Variants in RPS6KA2 observed in about 807,000 individuals in gnomAD.
RPS6KA2 encodes ribosomal protein S6 kinase A2, also known as ribosomal protein S6 kinase alpha-2.
RPS6KA2 carries 42 observed loss-of-function variants against 91.8 expected under a neutral mutation model. The observed-to-expected ratio is 0.46, with a 90% CI of 0.36 to 0.59. RPS6KA2 has a LOEUF of 0.59. Among genes scored for constraint, RPS6KA2 ranks in the 20% least tolerant of loss-of-function variants. The pLI is 0.00. For synonymous variants in RPS6KA2, 414 were observed against 393.6 expected (o/e 1.05, Z -0.61); for missense variants, 798 against 978.5 (o/e 0.82, Z 2.46).
intron 3 of RPS6KA2, among the ~76,000 whole-genome samples, chr6:166,523,871 G>C (rs1273336557): frequency 2.0e-5 from 3 of 152,184 alleles, no homozygotes; most frequent in Non-Finnish European, 4.4e-5. Context: ...TAACTCCGAG[G>C]AGGTTCTATT....
At chr6:166,587,594 T>C (rs1246349700) in intron 1 of RPS6KA2, among the ~76,000 whole-genome samples, 1 of 151,614 alleles carries the variant, frequency 6.6e-6, no homozygotes, top group Non-Finnish European at 1.5e-5. Flanking sequence ...ATATAACATC[T>C]TTCTTGAACG....
chr6:166,597,073 T>C (rs1387624225), intron 1 of RPS6KA2, among the ~76,000 whole-genome samples: 1 of 152,116 alleles, frequency 6.6e-6, no homozygotes, highest in East Asian at 1.9e-4. Flanking sequence ...GGGCCACAGA[T>C]GCTGAGAACC....
Position 166,821,551 on chromosome 6 carries a change from G to A in RPS6KA2, c.123+36649C>T, listed in dbSNP as rs998551397. ...TCTGCCCTGTCCATGTGCATCCTCCGTGTGGGTGCGGTGGGCCATCCCTCC... is the reference window on the plus strand; with the variant it reads ...TCTGCCCTGTCCATGTGCATCCTCCATGTGGGTGCGGTGGGCCATCCCTCC... On this transcript the variant is annotated intron_variant, in intron 2 of 21. Coordinates refer to the RPS6KA2 transcript ENST00000503859. This position sits in a 1 kb window ranked among gnomAD's most constrained non-coding sequence, Gnocchi z 4.1. Among the ~76,000 whole-genome samples the A allele has an allele frequency of 1.3e-5, 2 of 152,120 alleles. No individual in the cohort carries two copies. The highest frequency in any genetic ancestry group is 4.2e-4 in the South Asian group (2 of 4,810).
chr6:166,626,565 A>G lies in RPS6KA2; in HGVS notation c.99+356T>C, dbSNP rs1786884801. ...TCGGGACTTTGAGGGACCCCCGCGG[A>G]GCGCTCCGCGCCACTCGGCGGTCTA... On this transcript the variant is annotated intron_variant, in intron 1 of 20. Coordinates refer to ENST00000265678, the MANE Select transcript of RPS6KA2 (RefSeq NM_021135.6). This position sits in a 1 kb window ranked among gnomAD's most constrained non-coding sequence, Gnocchi z 4.1. 6.6e-6 allele frequency among the ~76,000 whole-genome samples: 1 copy of G among 152,120 alleles called. No homozygotes were observed. Among genetic ancestry groups the G allele is most frequent in the Admixed American group, 6.5e-5 (1 of 15,290 alleles).
rs542901228 is a variant in RPS6KA2 at position 166,852,621 on chromosome 6, C to A, written c.123+5579G>T. ...CTGTTGCCACGAGTCTCTTCCTGAC[C>A]CTTTTCCTCACCAGGGGACTCGTCG... On this transcript the variant is annotated intron_variant, in intron 2 of 21. Transcript: ENST00000503859. The surrounding 1 kb of genome is among the most constrained non-coding windows in gnomAD (Gnocchi z 4.1). Among the ~76,000 whole-genome samples, 1 of 152,186 alleles carries A rather than the reference C, an allele frequency of 6.6e-6. No individual in the cohort carries two copies. The highest frequency in any genetic ancestry group is 2.1e-4 in the South Asian group (1 of 4,812).
chr6:166,765,755 G>A (rs1181743518), intron 2 of RPS6KA2, among the ~76,000 whole-genome samples: 2 of 152,132 alleles, frequency 1.3e-5, no homozygotes, highest in African/African-American at 2.4e-5. Context: ...CTGAGCAATC[G>A]ACTTAAGGTG....
intron 2 of RPS6KA2, among the ~76,000 whole-genome samples, chr6:166,813,266 G>A (rs1779685444): frequency 6.6e-6 from 1 of 152,126 alleles, no homozygotes; most frequent in African/African-American, 2.4e-5. Context: ...CCAGGGCTCC[G>A]ATTCCCTGGA....
chr6:166,456,100 T>C (rs1780095341), intron 12 of RPS6KA2, among the ~76,000 whole-genome samples: 1 of 152,204 alleles, frequency 6.6e-6, no homozygotes, highest in South Asian at 2.1e-4. Context: ...ATAAGCAATG[T>C]CTTCTAACCA....
At chr6:166,824,582 G>C (rs912994273) in intron 2 of RPS6KA2, among the ~76,000 whole-genome samples, 7 of 150,662 alleles carry the variant, frequency 4.6e-5, no homozygotes, top group African/African-American at 1.7e-4. Flanking sequence ...GTCTGTGTCT[G>C]TGTGTGTGTG....
rs903551105 is a variant in RPS6KA2, at chr6:166,701,859, C to G, written c.123+156341G>C. The stretch of plus-strand genomic sequence containing the variant: ...TTGCCTTTAGCTGTAATGGTGTGTT[C>G]TGGATTATACTGCATCAGTTCCTGC... On this transcript the variant is annotated intron_variant, in intron 2 of 21. Coordinates refer to the RPS6KA2 transcript ENST00000503859. The G allele has an allele frequency of 8.8e-6, 8 of 905,788 alleles. No homozygotes were observed. The East Asian group carries it at 2.0e-4, about 23-fold the overall frequency. The allele number at this position is 905,788 out of a possible 1,614,324, so 56.1% of individuals were successfully genotyped here. A position where few individuals can be genotyped will look rare whatever the true frequency, so the allele number is the denominator to read the frequency against.
Position 166,412,607 on chromosome 6 carries a change from TC to T in RPS6KA2, c.*154del. On this transcript the variant is annotated 3_prime_UTR_variant, in exon 21 of 21. Coordinates refer to ENST00000265678, the MANE Select transcript of RPS6KA2 (RefSeq NM_021135.6). The surrounding 1 kb of genome is among the most constrained non-coding windows in gnomAD (Gnocchi z 4.3). ...GAGAAGCCCCCAGGTCAGGACCCTC[TC>T]CGGGGCTGAAAAAGAAAACACGGAC... is the stretch of plus-strand genomic sequence containing the variant. 2 of 730,726 alleles carry T rather than the reference TC, an allele frequency of 2.7e-6. No individual in the cohort carries two copies. Among genetic ancestry groups the T allele is most frequent in the Non-Finnish European group, 4.3e-6 (2 of 468,354 alleles). The allele number at this position is 730,726 out of a possible 1,614,324, so 45.3% of individuals were successfully genotyped here.
chr6:166,794,959 C>A (rs1779186983), intron 2 of RPS6KA2, among the ~76,000 whole-genome samples: 1 of 151,558 alleles, frequency 6.6e-6, no homozygotes, highest in Non-Finnish European at 1.5e-5. Flanking sequence ...TGTAACAAAC[C>A]TGCACATTGT....
At chr6:166,529,762 A>G (rs11969688) in intron 3 of RPS6KA2, among the ~76,000 whole-genome samples, 28,270 of 152,092 alleles carry the variant, frequency 0.19, 2,778 homozygotes, top group South Asian at 0.25. Context: ...GATTCAGTAG[A>G]TCAGGAGTGG....
rs1460206930 is a variant in RPS6KA2, at chr6:166,732,956, C to T, written c.123+125244G>A. On this transcript the variant is annotated intron_variant, in intron 2 of 21. Transcript: ENST00000503859. This position sits in a 1 kb window ranked among gnomAD's most constrained non-coding sequence, Gnocchi z 4.0. ...CTGCTGGCTTAGAGGAAATGAGGAACCGGAGCGGCTGGGGTGCAGGGTGGG... is the reference window on the plus strand; with the variant it reads ...CTGCTGGCTTAGAGGAAATGAGGAATCGGAGCGGCTGGGGTGCAGGGTGGG... Among the ~76,000 whole-genome samples the T allele has an allele frequency of 1.3e-5, 2 of 152,184 alleles. No individual in the cohort carries two copies. The highest frequency in any genetic ancestry group is 2.9e-5 in the Non-Finnish European group (2 of 68,042).
chr6:166,591,814 AATCTC>A (rs1785363788), intron 1 of RPS6KA2, among the ~76,000 whole-genome samples: 1 of 152,168 alleles, frequency 6.6e-6, no homozygotes, highest in South Asian at 2.1e-4. Flanking sequence ...TTTTTACTAA[AATCTC>A]ATCAGTGTAC....
chr6:166,453,197 T>TCACACACACACACACA (rs149702729), intron 12 of RPS6KA2, among the ~76,000 whole-genome samples: 2 of 141,232 alleles, frequency 1.4e-5, no homozygotes, highest in African/African-American at 5.2e-5. Context: ...TGAGACTCCA[T>TCACACACACACACACA]CACACACACA....
intron 1 of RPS6KA2, among the ~76,000 whole-genome samples, chr6:166,540,728 A>T (rs1783627207): frequency 1.3e-5 from 2 of 152,060 alleles, no homozygotes; most frequent in Non-Finnish European, 2.9e-5. Context: ...GCCACCCGAG[A>T]CTGTGCAGCT....
intron 17 of RPS6KA2, among the ~76,000 whole-genome samples, chr6:166,422,709 G>C (rs2128441502): frequency 6.6e-6 from 1 of 152,296 alleles, no homozygotes; most frequent in East Asian, 1.9e-4. Context: ...GAGCGGGGCT[G>C]GGAGCAGACA....
At chr6:166,413,660 C>T (rs561215004) in intron 20 of RPS6KA2, 134 bp downstream of exon 20, 39 of 843,126 alleles carry the variant, frequency 4.6e-5, no homozygotes, top group African/African-American at 3.8e-4. Flanking sequence ...GTAGGTGGGC[C>T]GGCGGTGCAG....
Sources: allele counts gnomAD v4.1 joint callset (sites outside exome capture counted in the v4.1 genomes callset), GRCh38; gene constraint gnomAD v4.1.1; non-coding constraint Gnocchi (gnomAD v3.1); transcripts MANE v1.5; gene names NCBI Gene and HGNC (gene_info 2026-07-23, HGNC 2026-07-21).